Variants in ASB13 observed in about 807,000 individuals in gnomAD.
The protein encoded by ASB13 is ankyrin repeat and SOCS box containing 13, also known as ankyrin repeat and SOCS box protein 13.
In ASB13, 33 loss-of-function variants were observed where a neutral mutation model predicts 28.8. The observed-to-expected ratio is 1.15, with a 90% CI of 0.87 to 1.53. ASB13 has a LOEUF of 1.53. ASB13 is among the 40% of genes most tolerant of loss of function. The pLI is 0.00. For synonymous variants in ASB13, 182 were observed against 172.9 expected, an observed-to-expected ratio of 1.05 and a Z score of -0.41; for missense variants, 414 against 390.1, an observed-to-expected ratio of 1.06 and a Z score of -0.52.
At position 5,646,000 on chromosome 10, in the gene ASB13, T is replaced by A. The variant is rs2131443769; in HGVS notation, c.517+2970A>T. ...GGTACTAGAGGAGACCACCCAAGAG[T>A]AGGATGGGAACCAGGAATCCCGCGT... On this transcript the variant is annotated intron_variant, in intron 4 of 5. Coordinates refer to ENST00000357700, the MANE Select transcript of ASB13 (RefSeq NM_024701.4). This position sits in a 1 kb window ranked among gnomAD's most constrained non-coding sequence, Gnocchi z 5.4. Among the ~76,000 whole-genome samples, 1 of 151,716 alleles carries A rather than the reference T, an allele frequency of 6.6e-6. No individual in the cohort carries two copies. Among genetic ancestry groups the A allele is most frequent in the South Asian group, 2.1e-4 (1 of 4,790 alleles).
Position 5,666,496 on chromosome 10 carries a change from C to G in ASB13, c.43+13G>C. The G allele has an allele frequency of 7.7e-7, 1 of 1,294,660 alleles. No homozygotes were observed. The highest frequency in any genetic ancestry group is 2.1e-5 in the South Asian group (1 of 46,516). The allele number at this position is 1,294,660 out of a possible 1,614,324, so 80.2% of individuals were successfully genotyped here. A position where few individuals can be genotyped will look rare whatever the true frequency, so the allele number is the denominator to read the frequency against. On this transcript the variant is annotated intron_variant, in intron 1 of 5. Coordinates refer to ENST00000357700, the MANE Select transcript of ASB13 (RefSeq NM_024701.4). ...CGCTGCCTCGCTCTGACCTCCGCGG[C>G]GCCCGCACGTACCCACGTCGCCCAG... is the stretch of plus-strand genomic sequence containing the variant.
chr10:5,653,601 G>T (rs1172357741), intron 1 of ASB13, among the ~76,000 whole-genome samples: 1 of 152,166 alleles, frequency 6.6e-6, no homozygotes, highest in Non-Finnish European at 1.5e-5. Context: ...CTATATACAA[G>T]GTCATGTCAT....
rs1342525981 is a variant in ASB13 at position 5,664,926 on chromosome 10, G to A, written c.43+1583C>T. On this transcript the variant is annotated intron_variant, in intron 1 of 5. Coordinates refer to ENST00000357700, the MANE Select transcript of ASB13 (RefSeq NM_024701.4). This position sits in a 1 kb window ranked among gnomAD's most constrained non-coding sequence, Gnocchi z 4.2. ...GGCTGGAGTGCAATGGCCCAATCTC[G>A]GCTTACTGCAACCTCTGCCTTCCAG... 2.0e-5 allele frequency among the ~76,000 whole-genome samples: 3 copies of A among 151,820 alleles called. No homozygotes were observed. Among genetic ancestry groups the A allele is most frequent in the South Asian group, 2.1e-4 (1 of 4,806 alleles).
At position 5,652,001 on chromosome 10, in the gene ASB13, C is replaced by CA. The variant is rs569915376; in HGVS notation, c.232-639dup. The stretch of plus-strand genomic sequence containing the variant: ...TAGGCGACAGAGAAAGACCTTATCT[C>CA]AAAAAAAAAAAAAAAAAAAAAAAAC... On this transcript the variant is annotated intron_variant, in intron 2 of 5. Coordinates refer to ENST00000357700, the MANE Select transcript of ASB13 (RefSeq NM_024701.4). This position sits in a 1 kb window ranked among gnomAD's most constrained non-coding sequence, Gnocchi z 5.0. 7.9e-4 allele frequency among the ~76,000 whole-genome samples: 40 copies of CA among 50,802 alleles called. No homozygotes were observed. Among genetic ancestry groups the CA allele is most frequent in the African/African-American group, 2.9e-3 (33 of 11,342 alleles). The allele number at this position is 50,802 out of a possible 152,430, so 33.3% of individuals were successfully genotyped here. A position where few individuals can be genotyped will look rare whatever the true frequency, so the allele number is the denominator to read the frequency against.
rs570149868 is a variant in ASB13, at chr10:5,650,865, C to T, written c.382+348G>A. On this transcript the variant is annotated intron_variant, in intron 3 of 5. Transcript: ENST00000357700. The surrounding 1 kb of genome is among the most constrained non-coding windows in gnomAD (Gnocchi z 6.0). ...GTTGGGACACGTTTCTCTGTCGTCT[C>T]CCATCTCAATCAGGGGCCTGCAGAG... Among the ~76,000 whole-genome samples the T allele has an allele frequency of 1.3e-5, 2 of 152,298 alleles. No individual in the cohort carries two copies. The highest frequency in any genetic ancestry group is 4.1e-4 in the South Asian group (2 of 4,828).
In ASB13 at chr10:5,662,935, GA is replaced by G. The variant is rs201218138; in HGVS notation, c.43+3573del. On this transcript the variant is annotated intron_variant, in intron 1 of 5. Coordinates refer to ENST00000357700, the MANE Select transcript of ASB13 (RefSeq NM_024701.4). ...AGTTTTAGTGTCCTTGAAACCCAAG[GA>G]AAAAAAATATGGATCTTTATTTTTC... is the stretch of plus-strand genomic sequence containing the variant. Among the ~76,000 whole-genome samples the G allele has an allele frequency of 7.5e-3, 1,133 of 151,842 alleles. 9 individuals carry two copies. The highest frequency in any genetic ancestry group is 0.013 in the Admixed American group (194 of 15,266).
intron 4 of ASB13, among the ~76,000 whole-genome samples, chr10:5,646,603 G>A (rs4749985): frequency 0.3 from 45,962 of 151,798 alleles, 7,634 homozygotes; most frequent in Middle Eastern, 0.47. Flanking sequence ...CGGTCCAGCC[G>A]CCCCTAATCC....
In ASB13 at chr10:5,664,081, T is replaced by C. The variant is rs1588522290; in HGVS notation, c.43+2428A>G. On this transcript the variant is annotated intron_variant, in intron 1 of 5. Coordinates refer to ENST00000357700, the MANE Select transcript of ASB13 (RefSeq NM_024701.4). The surrounding 1 kb of genome is among the most constrained non-coding windows in gnomAD (Gnocchi z 4.2). Reference sequence around the variant, plus strand: ...TCGGGGGAGCTGGAGAGCAGGCTGGTGCAGTGGCTAACCAGGATACAGAAG... The same window carrying C: ...TCGGGGGAGCTGGAGAGCAGGCTGGCGCAGTGGCTAACCAGGATACAGAAG... Among the ~76,000 whole-genome samples the C allele has an allele frequency of 6.6e-6, 1 of 152,024 alleles. No individual in the cohort carries two copies. The highest frequency in any genetic ancestry group is 1.5e-5 in the Non-Finnish European group (1 of 68,004).
At chr10:5,640,851 G>A in intron 5 of ASB13, 21 bp from the exon 6 acceptor site, 1 of 1,611,706 alleles carries the variant, frequency 6.2e-7, no homozygotes, top group Non-Finnish European at 8.5e-7. Context: ...GAGCAAGGAA[G>A]GATGTGAGGT....
chr10:5,640,725 A>T lies in ASB13; in HGVS notation c.815T>A (p.Ile272Asn). The T allele has an allele frequency of 6.2e-7, 1 of 1,614,114 alleles. No individual in the cohort carries two copies. Among genetic ancestry groups the T allele is most frequent in the Non-Finnish European group, 8.5e-7 (1 of 1,180,004 alleles). ...AATTCAGTTGTAGGAGAGGTAATCAATGAGCCGGGGCGGGATGTTTAACTT... is the reference window on the plus strand; with the variant it reads ...AATTCAGTTGTAGGAGAGGTAATCATTGAGCCGGGGCGGGATGTTTAACTT... ...IAKLNIPPRL[I>N]DYLSYN Residue 272 changes from isoleucine to asparagine, a missense_variant, in exon 6 of 6, where the codon ATT becomes AAT. Coordinates refer to ENST00000357700, the MANE Select transcript of ASB13 (RefSeq NM_024701.4).
rs538874662 is a variant in ASB13, at chr10:5,649,436, C to G, written c.383-332G>C. On this transcript the variant is annotated intron_variant, in intron 3 of 5. Transcript: ENST00000357700. This position sits in a 1 kb window ranked among gnomAD's most constrained non-coding sequence, Gnocchi z 6.4. ...TGCCCCCCTGCCCTGTGTCTACCTG[C>G]GGCTGTCAGCACTGAGCCCAGCCTC... is the stretch of plus-strand genomic sequence containing the variant. Among the ~76,000 whole-genome samples the G allele has an allele frequency of 6.6e-6, 1 of 151,950 alleles. No individual in the cohort carries two copies. The highest frequency in any genetic ancestry group is 2.4e-5 in the African/African-American group (1 of 41,368).
rs187349207 is a variant in ASB13, at chr10:5,659,534, C to T, written c.44-6484G>A. Among the ~76,000 whole-genome samples the T allele has an allele frequency of 2.6e-5, 4 of 152,206 alleles. No homozygotes were observed. The highest frequency in any genetic ancestry group is 1.9e-4 in the East Asian group (1 of 5,196). Reference sequence around the variant, plus strand: ...CAGTGGCTGCAAGTCCCATGCTTTGCGTATGCTGTTCCTTCCCCTGCCTGG... The same window carrying T: ...CAGTGGCTGCAAGTCCCATGCTTTGTGTATGCTGTTCCTTCCCCTGCCTGG... On this transcript the variant is annotated intron_variant, in intron 1 of 5. Transcript: ENST00000357700. This position sits in a 1 kb window ranked among gnomAD's most constrained non-coding sequence, Gnocchi z 5.8.
chr10:5,647,433 T>C (rs1331422768), intron 4 of ASB13, among the ~76,000 whole-genome samples: 1 of 152,164 alleles, frequency 6.6e-6, no homozygotes, highest in East Asian at 1.9e-4. Flanking sequence ...CCTCGATTGG[T>C]TGGTCTTTTT....
In ASB13 at chr10:5,651,335, G is replaced by A. The variant is rs1175646177; in HGVS notation, c.260C>T (p.Thr87Ile). 3 of 1,612,746 alleles carry A rather than the reference G, an allele frequency of 1.9e-6. No individual in the cohort carries two copies. The highest frequency in any genetic ancestry group is 2.5e-6 in the Non-Finnish European group (3 of 1,179,456). The change falls in exon 3 of 6, where the codon ACC (threonine) becomes ATC (isoleucine). Residue 87 changes from threonine (T) to isoleucine (I), a missense_variant. By Grantham distance (89) the Thr-to-Ile change is moderately conservative. Transcript: ENST00000357700. This position sits in a 1 kb window ranked among gnomAD's most constrained non-coding sequence, Gnocchi z 5.1. ...QVDARNIDGS[T>I]PLCDACASGS... ...CGAGGCGCAGGCATCGCAGAGCGGG[G>A]TGCTGCCGTCGATGTTGCGAGCATC...
Position 5,641,875 on chromosome 10 carries a change from T to G in ASB13, c.604A>C (p.Ile202Leu). Reference protein sequence around the residue: ...VKNVDLIEMLIEFGGNIYARD... With the variant: ...VKNVDLIEMLLEFGGNIYARD... ...GCGTAGATGTTGCCGCCAAACTCGA[T>G]AAGCATCTCGATGAGGTCAACATTC... Residue 202 changes from isoleucine (I) to leucine (L), a missense_variant, in exon 5 of 6, where the codon ATC (isoleucine) becomes CTC (leucine). Transcript: ENST00000357700. This position sits in a 1 kb window ranked among gnomAD's most constrained non-coding sequence, Gnocchi z 8.4. The G allele has an allele frequency of 6.2e-7, 1 of 1,614,098 alleles. No homozygotes were observed. The highest frequency in any genetic ancestry group is 8.5e-7 in the Non-Finnish European group (1 of 1,180,000).
At chr10:5,666,373 C>A (rs1377347669) in intron 1 of ASB13, 136 bp downstream of exon 1, 6 of 690,032 alleles carry the variant, frequency 8.7e-6, no homozygotes, top group Non-Finnish European at 1.1e-5. Context: ...CCGCGGCCCA[C>A]CCCGCCAAAC....
chr10:5,651,352 G>A lies in ASB13; in HGVS notation c.243C>T (p.Arg81=), dbSNP rs1306090217. 22 of 1,607,948 alleles carry A rather than the reference G, an allele frequency of 1.4e-5. No individual in the cohort carries two copies. Among genetic ancestry groups the A allele is most frequent in the Non-Finnish European group, 1.8e-5 (21 of 1,176,300 alleles). Residue 81 remains arginine (R), a synonymous_variant, in exon 3 of 6, where the codon CGC becomes CGT. Transcript: ENST00000357700. The surrounding 1 kb of genome is among the most constrained non-coding windows in gnomAD (Gnocchi z 5.1). The part of the protein sequence containing the change: ...LLAAGAQVDA[R]NIDGSTPLCD... ...AGAGCGGGGTGCTGCCGTCGATGTT[G>A]CGAGCATCCACCTCACGGGAGGAAG...
intron 1 of ASB13, among the ~76,000 whole-genome samples, chr10:5,666,166 C>A (rs1452522620): frequency 6.6e-6 from 1 of 152,212 alleles, no homozygotes; most frequent in African/African-American, 2.4e-5. Flanking sequence ...CCCAGGCTCT[C>A]CCCCGCCACT....
rs78991733 is a variant in ASB13 at position 5,640,326 on chromosome 10, C to A, written c.*377G>T. 19 of 169,000 alleles carry A rather than the reference C, an allele frequency of 1.1e-4. No homozygotes were observed. Among genetic ancestry groups the A allele is most frequent in the African/African-American group, 4.3e-4 (18 of 42,090 alleles). 10.5% of individuals were successfully genotyped at this position (169,000 alleles called of 1,614,324 possible). On this transcript the variant is annotated 3_prime_UTR_variant, in exon 6 of 6. Coordinates refer to ENST00000357700, the MANE Select transcript of ASB13 (RefSeq NM_024701.4). ...GCAGGCTGCCCCGGTGAGTGAGAATCAGCAACAATGCCCTCAGTCCCCAGC... is the reference window on the plus strand; with the variant it reads ...GCAGGCTGCCCCGGTGAGTGAGAATAAGCAACAATGCCCTCAGTCCCCAGC...
Sources: allele counts gnomAD v4.1 joint callset (sites outside exome capture counted in the v4.1 genomes callset), GRCh38; gene constraint gnomAD v4.1.1; non-coding constraint Gnocchi (gnomAD v3.1); transcripts MANE v1.5; gene names NCBI Gene and HGNC (gene_info 2026-07-23, HGNC 2026-07-21).